The following FBXL7 variants were observed in gnomAD, a reference collection of about 807,000 sequenced individuals.
The protein encoded by FBXL7 is F-box/LRR-repeat protein 7.
FBXL7 carries 12 observed loss-of-function variants against 38.3 expected under a neutral mutation model. That is an observed-to-expected ratio of 0.31 (90% CI 0.20 to 0.51). FBXL7 has a LOEUF of 0.51. Among genes scored for constraint, FBXL7 ranks in the 20% least tolerant of loss-of-function variants. The probability of loss-of-function intolerance (pLI) is 0.98; values close to 1 mark genes in which losing one functional copy is unlikely to be tolerated. For synonymous variants in FBXL7, 297 were observed against 300.9 expected (o/e 0.99, Z 0.13); for missense variants, 567 against 676.4 (o/e 0.84, Z 1.79).
intron 1 of FBXL7, among the ~76,000 whole-genome samples, chr5:15,513,985 C>T (rs901441150): frequency 2.6e-5 from 4 of 152,140 alleles, no homozygotes; most frequent in Non-Finnish European, 5.9e-5. Flanking sequence ...GCAGTATTTC[C>T]TTGGGGAGTC....
At chr5:15,848,233 T>C (rs1317550893) in intron 2 of FBXL7, among the ~76,000 whole-genome samples, 1 of 152,182 alleles carries the variant, frequency 6.6e-6, no homozygotes, top group East Asian at 1.9e-4. Flanking sequence ...GTTCTTTCTG[T>C]GATAATTTGG....
chr5:15,642,952 A>G, intron 2 of FBXL7, among the ~76,000 whole-genome samples: 1 of 152,210 alleles, frequency 6.6e-6, no homozygotes, highest in East Asian at 1.9e-4. Context: ...TGACCAGAGT[A>G]CCAGTTGACT....
intron 2 of FBXL7, among the ~76,000 whole-genome samples, chr5:15,688,608 G>A (rs1005214082): frequency 1.3e-5 from 2 of 152,072 alleles, no homozygotes; most frequent in African/African-American, 2.4e-5. Context: ...TGTCCCATTT[G>A]AAAAGTACCT....
At chr5:15,921,430 A>T (rs539400450) in intron 2 of FBXL7, among the ~76,000 whole-genome samples, 1 of 151,486 alleles carries the variant, frequency 6.6e-6, no homozygotes, top group Non-Finnish European at 1.5e-5. Flanking sequence ...TGCAGATTTT[A>T]TAATTTTTAC....
At chr5:15,879,391 G>A (rs1476528277) in intron 2 of FBXL7, among the ~76,000 whole-genome samples, 1 of 152,094 alleles carries the variant, frequency 6.6e-6, no homozygotes, top group Non-Finnish European at 1.5e-5. Flanking sequence ...TGTCCCTAGG[G>A]GAGTCTGCAC....
chr5:15,622,866 G>A (rs529698963), intron 2 of FBXL7, among the ~76,000 whole-genome samples: 38 of 151,704 alleles, frequency 2.5e-4, no homozygotes, highest in African/African-American at 8.0e-4. Context: ...CACCATGCCC[G>A]GCTAATTTTT....
At chr5:15,567,121 C>T (rs765326911) in intron 1 of FBXL7, among the ~76,000 whole-genome samples, 6 of 152,132 alleles carry the variant, frequency 3.9e-5, no homozygotes, top group African/African-American at 7.2e-5. Context: ...TCTAGCAGCT[C>T]ATCAGCATCA....
chr5:15,750,064 ATTC>A (rs1171939468), intron 2 of FBXL7, among the ~76,000 whole-genome samples: 4 of 152,118 alleles, frequency 2.6e-5, no homozygotes, highest in Non-Finnish European at 5.9e-5. Flanking sequence ...TGAGATGAGG[ATTC>A]TGTTTCGTTT....
intron 1 of FBXL7, among the ~76,000 whole-genome samples, chr5:15,522,377 A>G (rs1161838544): frequency 2.0e-5 from 3 of 152,156 alleles, no homozygotes; most frequent in African/African-American, 7.2e-5. Flanking sequence ...GTTTCTCATA[A>G]TTGTATTCAG....
intron 2 of FBXL7, among the ~76,000 whole-genome samples, chr5:15,812,956 C>T (rs1340359560): frequency 6.6e-6 from 1 of 152,064 alleles, no homozygotes; most frequent in East Asian, 1.9e-4. Flanking sequence ...TATAGGAATG[C>T]TTGTGATTTT....
intron 1 of FBXL7, among the ~76,000 whole-genome samples, chr5:15,577,594 TTGTGTGTGTGTGTGTGTGTG>T (rs34405217): frequency 1.1e-3 from 164 of 147,684 alleles, no homozygotes; most frequent in African/African-American, 2.4e-3. Flanking sequence ...GTAATGCATT[TTGTGTGTGTGTGTGTGTGTG>T]TGTGTGTGTG....
intron 1 of FBXL7, among the ~76,000 whole-genome samples, chr5:15,587,006 C>T (rs1739326616): frequency 6.6e-6 from 1 of 152,224 alleles, no homozygotes; most frequent in African/African-American, 2.4e-5. Flanking sequence ...TCATCTCCCA[C>T]TGCAATGGCT....
intron 2 of FBXL7, among the ~76,000 whole-genome samples, chr5:15,917,644 G>GGGAGGGAAGGAA (rs1303146282): frequency 2.3e-3 from 210 of 90,976 alleles, no homozygotes; most frequent in African/African-American, 8.2e-3. Context: ...AAGGAAGGGA[G>GGGAGGGAAGGAA]GGAAGGAAGG....
At chr5:15,553,726 A>G (rs931464619) in intron 1 of FBXL7, among the ~76,000 whole-genome samples, 1 of 152,226 alleles carries the variant, frequency 6.6e-6, no homozygotes, top group African/African-American at 2.4e-5. Context: ...CAAAGGAAAA[A>G]AAAAGGTACA....
intron 1 of FBXL7, among the ~76,000 whole-genome samples, chr5:15,557,837 G>T (rs556024091): frequency 2.6e-5 from 4 of 152,324 alleles, no homozygotes; most frequent in African/African-American, 9.6e-5. Context: ...ACTGCTCTCT[G>T]ACCACCTGGT....
intron 1 of FBXL7, among the ~76,000 whole-genome samples, chr5:15,549,379 C>T (rs1738001279): frequency 6.6e-6 from 1 of 152,110 alleles, no homozygotes; most frequent in African/African-American, 2.4e-5. Flanking sequence ...AGCATCAACC[C>T]AAGCATAGCC....
At chr5:15,684,370 C>T (rs1742946075) in intron 2 of FBXL7, among the ~76,000 whole-genome samples, 1 of 152,028 alleles carries the variant, frequency 6.6e-6, no homozygotes. Flanking sequence ...ATGGGGGACA[C>T]ATAGATTTGG....
intron 2 of FBXL7, among the ~76,000 whole-genome samples, chr5:15,668,264 T>A (rs1468945679): frequency 2.0e-5 from 3 of 152,164 alleles, no homozygotes; most frequent in Non-Finnish European, 4.4e-5. Context: ...CATTGTTAAC[T>A]GAAAAATCCT....
At chr5:15,619,183 G>A (rs1210487196) in intron 2 of FBXL7, among the ~76,000 whole-genome samples, 2 of 152,068 alleles carry the variant, frequency 1.3e-5, no homozygotes, top group African/African-American at 2.4e-5. Flanking sequence ...CTTTTTCCCC[G>A]GTGGCATGGA....
Sources: gnomAD v4.1 joint callset for allele counts (sites outside exome capture counted in the v4.1 genomes callset) on GRCh38, gnomAD v4.1.1 for gene constraint, MANE v1.5 for transcripts, NCBI Gene and HGNC (gene_info 2026-07-23, HGNC 2026-07-21) for gene names.